RHCE: variants seen among roughly 807,000 people sequenced by gnomAD.
The protein encoded by RHCE is blood group Rh(CE) polypeptide.
In RHCE, 22 loss-of-function variants were observed where a neutral mutation model predicts 43.8. The ratio of observed to expected loss-of-function variants is 0.50; its 90% confidence interval spans 0.36 to 0.72. The LOEUF is 0.72. Ranked by LOEUF, RHCE falls within the 30% of genes least tolerant of loss-of-function variation. RHCE has a pLI of 0.00. For synonymous variants in RHCE, 156 were observed against 210.7 expected (o/e 0.74, Z 2.25); for missense variants, 385 against 525.4 (o/e 0.73, Z 2.61).
chr1:25,377,146 G>A (rs28498894), intron 7 of RHCE, among the ~76,000 whole-genome samples: 1 of 152,054 alleles, frequency 6.6e-6, no homozygotes, highest in Non-Finnish European at 1.5e-5. Context: ...TCAGGGAAAT[G>A]TTTGTTGAAT....
chr1:25,428,794 C>T (rs1332524995), intron 2 of RHCE, among the ~76,000 whole-genome samples: 1 of 152,214 alleles, frequency 6.6e-6, no homozygotes, highest in African/African-American at 2.4e-5. Context: ...TAGATTTGAT[C>T]TCCAAGAAGC....
chr1:25,397,625 T>C lies in RHCE; in HGVS notation c.486+4971A>G, dbSNP rs551160782. ...CTTTCTTGCTGCGGTCTCAGCCTCCTGGCCGCCCCTTGGTCACTGATGATG... is the reference window on the plus strand; with the variant it reads ...CTTTCTTGCTGCGGTCTCAGCCTCCCGGCCGCCCCTTGGTCACTGATGATG... On this transcript the variant is annotated intron_variant, in intron 3 of 9. Transcript: ENST00000294413. Among the ~76,000 whole-genome samples, 521 of 152,196 alleles carry C rather than the reference T, an allele frequency of 3.4e-3. 3 individuals carry two copies. The highest frequency in any genetic ancestry group is 0.011 in the African/African-American group (470 of 41,478).
intron 8 of RHCE, among the ~76,000 whole-genome samples, chr1:25,374,132 T>C (rs1009667998): frequency 2.0e-5 from 3 of 151,010 alleles, no homozygotes; most frequent in African/African-American, 7.4e-5. Flanking sequence ...GAATGTGTAT[T>C]TTCTTTTTTT....
chr1:25,417,148 C>CA lies in RHCE; in HGVS notation c.148+3490dup, dbSNP rs35379366. Among the ~76,000 whole-genome samples, 190 of 144,700 alleles carry CA rather than the reference C, an allele frequency of 1.3e-3. 3 individuals carry two copies. The South Asian group carries it at 0.023, about 18-fold the overall frequency. 94.9% of individuals were successfully genotyped at this position (144,700 alleles called of 152,430 possible). ...CAGATAGAGCCTTAAAAAACAAAAACAAAAAAAAAACCCACCATGCTTTTA... is the reference window on the plus strand; with the variant it reads ...CAGATAGAGCCTTAAAAAACAAAAACAAAAAAAAAAACCCACCATGCTTTTA... On this transcript the variant is annotated intron_variant, in intron 1 of 9. Transcript: ENST00000294413.
intron 2 of RHCE, among the ~76,000 whole-genome samples, chr1:25,425,856 G>A (rs753959186): frequency 4.6e-5 from 7 of 152,248 alleles, no homozygotes; most frequent in Non-Finnish European, 7.3e-5. Flanking sequence ...CCCTGGAAAT[G>A]TGTCCACGCC....
intron 3 of RHCE, among the ~76,000 whole-genome samples, chr1:25,401,940 G>T (rs182053979): frequency 3.9e-5 from 6 of 151,914 alleles, no homozygotes; most frequent in Non-Finnish European, 7.4e-5. Flanking sequence ...GCAATGGCGC[G>T]ATCTCAGTTC....
chr1:25,412,727 A>T (rs1285928360), intron 1 of RHCE, among the ~76,000 whole-genome samples: 7 of 141,056 alleles, frequency 5.0e-5, no homozygotes, highest in African/African-American at 2.1e-4. Flanking sequence ...AAAAAAAAAA[A>T]AAAAAAAAAA....
At chr1:25,417,835 A>T (rs1313115794) in intron 1 of RHCE, among the ~76,000 whole-genome samples, 1 of 152,150 alleles carries the variant, frequency 6.6e-6, no homozygotes, top group African/African-American at 2.4e-5. Context: ...ACTACACTAC[A>T]GCCTCCACGC....
At chr1:25,411,235 C>A (rs1406713400) in intron 1 of RHCE, 8 of 1,408,616 alleles carry the variant, frequency 5.7e-6, no homozygotes, top group Non-Finnish European at 7.6e-6. Context: ...TCTGGGACAT[C>A]CGAAGGAAAT....
At chr1:25,425,714 C>A (rs919588621), upstream of RHCE, among the ~76,000 whole-genome samples, 4 of 152,182 alleles carry the variant, frequency 2.6e-5, no homozygotes, top group Non-Finnish European at 5.9e-5. Flanking sequence ...GCCAGGGAGC[C>A]CACAGCTTTC....
chr1:25,404,671 C>T (rs1331148121), intron 2 of RHCE, among the ~76,000 whole-genome samples: 1 of 151,220 alleles, frequency 6.6e-6, no homozygotes, highest in African/African-American at 2.4e-5. Context: ...CAGGTCTAGG[C>T]TGCCTGGGCT....
chr1:25,416,813 A>G (rs1436921088), intron 1 of RHCE, among the ~76,000 whole-genome samples: 27 of 78,054 alleles, frequency 3.5e-4, no homozygotes, highest in African/African-American at 1.4e-3. Flanking sequence ...TTTTTTTTAG[A>G]GATGGCGGGG....
intron 6 of RHCE, among the ~76,000 whole-genome samples, chr1:25,388,454 C>T (rs1432456480): frequency 2.9e-5 from 4 of 137,556 alleles, no homozygotes; most frequent in Non-Finnish European, 6.2e-5. Context: ...CACATATGCA[C>T]GATGTGCCCA....
intron 2 of RHCE, among the ~76,000 whole-genome samples, chr1:25,425,839 G>A (rs112980187): frequency 5.9e-5 from 9 of 152,302 alleles, no homozygotes; most frequent in East Asian, 3.9e-4. Flanking sequence ...GAGGTCCTCC[G>A]GTCCCTCCCT....
At chr1:25,421,137 G>A (rs548797801), upstream of RHCE, among the ~76,000 whole-genome samples, 75 of 152,256 alleles carry the variant, frequency 4.9e-4, 1 homozygote, top group South Asian at 0.011. Context: ...GCATATCCTT[G>A]TAAGAAAAGC....
rs543987158 is a variant in RHCE, at chr1:25,414,052, T to C, written c.149-5183A>G. Among the ~76,000 whole-genome samples the C allele has an allele frequency of 3.3e-5, 5 of 152,270 alleles. No homozygotes were observed. In the South Asian group the frequency reaches 1.0e-3, roughly 32 times the overall value. ...GGATTGCCATGAGCATTGAGCTCGC[T>C]GGCTCATGCAAGTCACTTTGCCCAG... On this transcript the variant is annotated intron_variant, in intron 1 of 9. Transcript: ENST00000294413.
At chr1:25,414,956 T>C (rs1326939722) in intron 1 of RHCE, among the ~76,000 whole-genome samples, 1 of 152,142 alleles carries the variant, frequency 6.6e-6, no homozygotes, top group Non-Finnish European at 1.5e-5. Context: ...GTGGCTGTTA[T>C]GCAGCAATAG....
At chr1:25,391,437 T>C (rs1212271647) in intron 4 of RHCE, among the ~76,000 whole-genome samples, 1 of 152,090 alleles carries the variant, frequency 6.6e-6, no homozygotes, top group South Asian at 2.1e-4. Context: ...TCCACCCACC[T>C]TGGCCTCCCA....
In RHCE at chr1:25,392,150, A is replaced by C; in HGVS notation, c.487-9T>G. On this transcript the variant is annotated splice_polypyrimidine_tract_variant and intron_variant, in intron 3 of 9. Coordinates refer to ENST00000294413, the MANE Select transcript of RHCE (RefSeq NM_020485.8). ...TTCATGTGGTAGTCTGTCTGCAATA[A>C]AACCCAGTAAGAGCAGTGAGTGTCG... The C allele has an allele frequency of 6.2e-7, 1 of 1,614,088 alleles. No homozygotes were observed. The highest frequency in any genetic ancestry group is 2.2e-5 in the East Asian group (1 of 44,870).
Sources: gnomAD v4.1 joint callset for allele counts (sites outside exome capture counted in the v4.1 genomes callset) on GRCh38, gnomAD v4.1.1 for gene constraint, MANE v1.5 for transcripts, NCBI Gene and HGNC (gene_info 2026-07-23, HGNC 2026-07-21) for gene names.